Variants in PDE7B observed in about 807,000 individuals in gnomAD.
The protein encoded by PDE7B is phosphodiesterase 7B.
In PDE7B, 29 loss-of-function variants were observed where a neutral mutation model predicts 56.2. That is an observed-to-expected ratio of 0.52 (90% confidence interval 0.38 to 0.70). PDE7B has a LOEUF of 0.70. Among genes scored for constraint, PDE7B ranks in the 30% least tolerant of loss-of-function variants. The pLI, the probability that PDE7B is intolerant of heterozygous loss-of-function variation, is 0.00. For missense variants in PDE7B, 490 were observed against 565.0 expected (o/e 0.87, Z 1.35); for synonymous variants, 197 against 196.9 (o/e 1.00, Z 0.00).
At chr6:136,010,258 G>T (rs9389358) in intron 2 of PDE7B, among the ~76,000 whole-genome samples, 17 of 151,826 alleles carry the variant, frequency 1.1e-4, no homozygotes, top group Non-Finnish European at 2.2e-4. Flanking sequence ...TTCTTATTGC[G>T]CTGTGGTCTG....
Position 136,151,146 on chromosome 6 carries a change from C to G in PDE7B, c.383-14C>G. 1.4e-6 allele frequency: 2 copies of G among 1,449,074 alleles called. No homozygotes were observed. The highest frequency in any genetic ancestry group is 1.9e-6 in the Non-Finnish European group (2 of 1,031,044). 89.8% of individuals were successfully genotyped at this position (1,449,074 alleles called of 1,614,324 possible). A position where few individuals can be genotyped will look rare whatever the true frequency, so the allele number is the denominator to read the frequency against. On this transcript the variant is annotated splice_polypyrimidine_tract_variant and intron_variant, in intron 5 of 12. Coordinates refer to ENST00000308191, the MANE Select transcript of PDE7B (RefSeq NM_018945.4). Reference sequence around the variant, plus strand: ...GATCAAAATTAGTTAAAGGAAGTGACTGTTTTCCTGCAGGAAACAGCCTGG... The same window carrying G: ...GATCAAAATTAGTTAAAGGAAGTGAGTGTTTTCCTGCAGGAAACAGCCTGG...
chr6:136,192,806 A>G lies in PDE7B; in HGVS notation c.*966A>G, dbSNP rs1380274710. 6.6e-6 allele frequency: 1 copy of G among 152,632 alleles called. No individual in the cohort carries two copies. The highest frequency in any genetic ancestry group is 6.5e-5 in the Admixed American group (1 of 15,284). The allele number at this position is 152,632 out of a possible 1,614,324, so 9.5% of individuals were successfully genotyped here. A position where few individuals can be genotyped will look rare whatever the true frequency, so the allele number is the denominator to read the frequency against. The stretch of plus-strand genomic sequence containing the variant: ...CTATTGTTTGCAGATAAAGGCCTTA[A>G]CTTTAAACATCTTTCATCTTCTGAA... On this transcript the variant is annotated 3_prime_UTR_variant, in exon 13 of 13. Transcript: ENST00000308191.
chr6:136,117,449 C>G (rs1041291952), intron 3 of PDE7B, among the ~76,000 whole-genome samples: 2 of 152,148 alleles, frequency 1.3e-5, no homozygotes, highest in Non-Finnish European at 2.9e-5. Context: ...GAACATGGCC[C>G]CATCCTTAAT....
chr6:135,980,098 G>A (rs1775268409), intron 2 of PDE7B, among the ~76,000 whole-genome samples: 1 of 152,088 alleles, frequency 6.6e-6, no homozygotes, highest in Non-Finnish European at 1.5e-5. Flanking sequence ...CAGAGATATA[G>A]ATCAATGGAA....
At chr6:136,004,078 A>G (rs1775726798) in intron 2 of PDE7B, among the ~76,000 whole-genome samples, 1 of 152,204 alleles carries the variant, frequency 6.6e-6, no homozygotes, top group Non-Finnish European at 1.5e-5. Flanking sequence ...AATCCAGCAT[A>G]TAAACAGAAC....
intron 2 of PDE7B, among the ~76,000 whole-genome samples, chr6:136,041,187 A>C (rs1002590754): frequency 2.0e-5 from 3 of 152,160 alleles, no homozygotes; most frequent in African/African-American, 7.2e-5. Context: ...GTTTAATGGA[A>C]CCTTAAAAGT....
chr6:136,181,423 C>G (rs1779065288), intron 11 of PDE7B, 100 bp downstream of exon 11: 1 of 749,830 alleles, frequency 1.3e-6, no homozygotes, highest in South Asian at 1.6e-5. Flanking sequence ...GACATTTGTT[C>G]TCTCATCAAC....
At position 135,928,503 on chromosome 6, in the gene PDE7B, A is replaced by T. The variant is rs1341506404; in HGVS notation, c.22-18961A>T. Among the ~76,000 whole-genome samples the T allele has an allele frequency of 1.8e-4, 19 of 102,822 alleles. 1 individual carries two copies. The South Asian group carries it at 3.1e-3, about 17-fold the overall frequency. The allele number at this position is 102,822 out of a possible 152,430, so 67.5% of individuals were successfully genotyped here. On this transcript the variant is annotated intron_variant, in intron 1 of 12. Transcript: ENST00000308191. Reference sequence around the variant, plus strand: ...TATATTTATTTATATATATATATTTATATATATATATTTATTTATATATAT... The same window carrying T: ...TATATTTATTTATATATATATATTTTTATATATATATTTATTTATATATAT...
At chr6:136,005,278 C>A (rs2128206522) in intron 2 of PDE7B, among the ~76,000 whole-genome samples, 1 of 152,248 alleles carries the variant, frequency 6.6e-6, no homozygotes, top group African/African-American at 2.4e-5. Context: ...CATTACCATT[C>A]AGGACATAGG....
chr6:136,002,012 C>T (rs1323472619), intron 2 of PDE7B, among the ~76,000 whole-genome samples: 1 of 152,158 alleles, frequency 6.6e-6, no homozygotes, highest in African/African-American at 2.4e-5. Context: ...TCGGCAGAAA[C>T]TCTATAAGCC....
chr6:135,993,811 A>G (rs959847832), intron 2 of PDE7B, among the ~76,000 whole-genome samples: 1 of 152,234 alleles, frequency 6.6e-6, no homozygotes, highest in Non-Finnish European at 1.5e-5. Flanking sequence ...TGAGTTTCCT[A>G]TCTTTCATAA....
chr6:136,093,713 C>T (rs1315842736), intron 2 of PDE7B, among the ~76,000 whole-genome samples: 1 of 152,118 alleles, frequency 6.6e-6, no homozygotes, highest in Non-Finnish European at 1.5e-5. Flanking sequence ...GAAGGGGGCA[C>T]AGTAACAGGA....
At chr6:135,979,734 C>G (rs1484680976) in intron 2 of PDE7B, among the ~76,000 whole-genome samples, 1 of 152,086 alleles carries the variant, frequency 6.6e-6, no homozygotes, top group South Asian at 2.1e-4. Context: ...ATCCAACTTA[C>G]AAGGGATGTG....
At chr6:136,038,165 G>A (rs1200098240) in intron 2 of PDE7B, 2 of 1,298,910 alleles carry the variant, frequency 1.5e-6, no homozygotes, top group South Asian at 2.4e-5. Flanking sequence ...TTCCCTGCCT[G>A]GGAAGAATTT....
chr6:136,021,615 G>A (rs1304146544), intron 2 of PDE7B, among the ~76,000 whole-genome samples: 1 of 150,976 alleles, frequency 6.6e-6, no homozygotes, highest in Non-Finnish European at 1.5e-5. Context: ...CTGCACTCCA[G>A]TCTGGGTGAC....
At chr6:136,050,353 G>A (rs1776602206) in intron 2 of PDE7B, among the ~76,000 whole-genome samples, 1 of 151,124 alleles carries the variant, frequency 6.6e-6, no homozygotes, top group Admixed American at 6.6e-5. Context: ...CCCTCTCTGT[G>A]AATTTTCCCA....
Position 136,149,078 on chromosome 6 carries a change from C to T in PDE7B, c.319-9C>T, listed in dbSNP as rs756013754. 3 of 1,605,038 alleles carry T rather than the reference C, an allele frequency of 1.9e-6. No individual in the cohort carries two copies. The highest frequency in any genetic ancestry group is 2.6e-6 in the Non-Finnish European group (3 of 1,172,046). On this transcript the variant is annotated splice_polypyrimidine_tract_variant and intron_variant, in intron 4 of 12. Transcript: ENST00000308191. ...TCATTTGCGTGCTGTTTTTTGTTTGCCTTTTCAGCATATGCTCTCCAAAGT... is the reference window on the plus strand; with the variant it reads ...TCATTTGCGTGCTGTTTTTTGTTTGTCTTTTCAGCATATGCTCTCCAAAGT...
rs1354067637 is a variant in PDE7B, at chr6:136,186,038, A to G, written c.1046-998A>G. Among the ~76,000 whole-genome samples, 3 of 151,752 alleles carry G rather than the reference A, an allele frequency of 2.0e-5. No homozygotes were observed. The East Asian group carries it at 5.9e-4, about 30-fold the overall frequency. ...CTTCTATTAGGTTGGTGCAAATGTA[A>G]TTGTGGGTTTTGCCACGGAAAGTAA... On this transcript the variant is annotated intron_variant, in intron 11 of 12. Transcript: ENST00000308191.
At chr6:136,049,999 G>A (rs1209826048) in intron 2 of PDE7B, among the ~76,000 whole-genome samples, 3 of 152,062 alleles carry the variant, frequency 2.0e-5, no homozygotes, top group Non-Finnish European at 4.4e-5. Context: ...CATATGTGGG[G>A]CACAGAGCTA....
Sources: gnomAD v4.1 joint callset for allele counts (sites outside exome capture counted in the v4.1 genomes callset) on GRCh38, gnomAD v4.1.1 for gene constraint, MANE v1.5 for transcripts, NCBI Gene and HGNC (gene_info 2026-07-23, HGNC 2026-07-21) for gene names.